The following TRPC3 variants were observed in gnomAD, a reference collection of about 807,000 sequenced individuals.
TRPC3 encodes transient receptor potential cation channel subfamily C member 3, also known as short transient receptor potential channel 3.
In TRPC3, 54 loss-of-function variants were observed where a neutral mutation model predicts 90.9. The ratio of observed to expected loss-of-function variants is 0.59; its 90% CI spans 0.48 to 0.75. The LOEUF (loss-of-function observed/expected upper bound fraction) is 0.75. TRPC3 is among the 30% of genes least tolerant of loss of function. TRPC3 has a pLI of 0.00. For missense variants in TRPC3, 918 were observed against 1,194.5 expected (o/e 0.77, Z 3.41); for synonymous variants, 424 against 450.9 (o/e 0.94, Z 0.75).
In TRPC3 at chr4:121,932,180, A is replaced by C; in HGVS notation, c.987+91T>G. On this transcript the variant is annotated intron_variant, in intron 2 of 11. Transcript: ENST00000379645. The surrounding 1 kb of genome is among the most constrained non-coding windows in gnomAD (Gnocchi z 7.7). ...ATTTCACATTCACTGGGCAAAACCG[A>C]ATGTGGAGCGAACGGTGGCAGAGCA... 1.9e-6 allele frequency: 3 copies of C among 1,542,720 alleles called. No homozygotes were observed. Among genetic ancestry groups the C allele is most frequent in the Non-Finnish European group, 2.6e-6 (3 of 1,143,590 alleles).
At chr4:121,904,571 G>T in intron 7 of TRPC3, 54 bp from the exon 8 acceptor site, 5 of 1,375,686 alleles carry the variant, frequency 3.6e-6, no homozygotes, top group Non-Finnish European at 4.8e-6. Context: ...CAATATCTAA[G>T]AGTGAAAAGT....
rs78871143 is a variant in TRPC3, at chr4:121,904,116, T to C, written c.2253+206A>G. Among the ~76,000 whole-genome samples the C allele has an allele frequency of 1.1e-3, 174 of 152,254 alleles. 1 individual carries two copies. The highest frequency in any genetic ancestry group is 4.0e-3 in the African/African-American group (165 of 41,552). On this transcript the variant is annotated intron_variant, in intron 8 of 11. Transcript: ENST00000379645. ...AGAAGGCGGAGCAGCAGTAAATTCA[T>C]GGGGACCCCTGCTGTGCACCTAGAA...
At chr4:121,922,675 C>T (rs1729564833) in intron 3 of TRPC3, among the ~76,000 whole-genome samples, 1 of 152,118 alleles carries the variant, frequency 6.6e-6, no homozygotes, top group Non-Finnish European at 1.5e-5. Context: ...GATAAAAAAC[C>T]AGTGACAATT....
At chr4:121,927,119 A>C (rs1304310599) in intron 2 of TRPC3, among the ~76,000 whole-genome samples, 1 of 152,204 alleles carries the variant, frequency 6.6e-6, no homozygotes, top group Non-Finnish European at 1.5e-5. Flanking sequence ...ACTGTATGTA[A>C]CTGAATTCTC....
At chr4:121,883,155 A>T (rs1728001158) in intron 10 of TRPC3, among the ~76,000 whole-genome samples, 1 of 152,110 alleles carries the variant, frequency 6.6e-6, no homozygotes, top group African/African-American at 2.4e-5. Flanking sequence ...TTTGCATCTT[A>T]AATGTGAAAG....
At position 121,938,902 on chromosome 4, in the gene TRPC3, T is replaced by C. The variant is rs190686766; in HGVS notation, c.216-5860A>G. Among the ~76,000 whole-genome samples, 575 of 151,934 alleles carry C rather than the reference T, an allele frequency of 3.8e-3. 7 individuals carry two copies. The highest frequency in any genetic ancestry group is 0.013 in the African/African-American group (552 of 41,474). Reference sequence around the variant, plus strand: ...AGTAACACCCCTACTGCTCTTTTCATCAGTCGAGACTCGTCTGTATGACTT... The same window carrying C: ...AGTAACACCCCTACTGCTCTTTTCACCAGTCGAGACTCGTCTGTATGACTT... On this transcript the variant is annotated intron_variant, in intron 1 of 11. Coordinates refer to ENST00000379645, the MANE Select transcript of TRPC3 (RefSeq NM_001130698.2).
chr4:121,951,238 C>T lies in TRPC3; in HGVS notation c.215+228G>A, dbSNP rs998061835. On this transcript the variant is annotated intron_variant, in intron 1 of 11. Transcript: ENST00000379645. The surrounding 1 kb of genome is among the most constrained non-coding windows in gnomAD (Gnocchi z 4.4). ...GTGTGCTTGAGCCTGGACAGAGCCC[C>T]TGCCACGCACTCGGCAGCCCCTGTG... is the stretch of plus-strand genomic sequence containing the variant. 6.6e-6 allele frequency among the ~76,000 whole-genome samples: 1 copy of T among 152,172 alleles called. No homozygotes were observed. The highest frequency in any genetic ancestry group is 2.4e-5 in the African/African-American group (1 of 41,462).
At chr4:121,885,437 A>G (rs899566236) in intron 10 of TRPC3, among the ~76,000 whole-genome samples, 1 of 152,164 alleles carries the variant, frequency 6.6e-6, no homozygotes, top group African/African-American at 2.4e-5. Flanking sequence ...GTGAGTTGCA[A>G]GAACAAATCA....
Position 121,951,684 on chromosome 4 carries a change from G to C in TRPC3, c.-4C>G. Reference sequence around the variant, plus strand: ...ACTTCCTGACCTTGGTGGACATCGCGCCGGCTGCGGTCCGAGTGTGGGGGT... The same window carrying C: ...ACTTCCTGACCTTGGTGGACATCGCCCCGGCTGCGGTCCGAGTGTGGGGGT... On this transcript the variant is annotated 5_prime_UTR_variant, in exon 1 of 12. Transcript: ENST00000379645. This position sits in a 1 kb window ranked among gnomAD's most constrained non-coding sequence, Gnocchi z 4.4. 7.6e-7 allele frequency: 1 copy of C among 1,318,078 alleles called. No homozygotes were observed. Among genetic ancestry groups the C allele is most frequent in the Non-Finnish European group, 9.8e-7 (1 of 1,024,146 alleles). 81.6% of individuals were successfully genotyped at this position (1,318,078 alleles called of 1,614,324 possible).
chr4:121,895,809 T>A (rs1325814407), intron 10 of TRPC3, among the ~76,000 whole-genome samples: 4 of 152,014 alleles, frequency 2.6e-5, no homozygotes, highest in Admixed American at 6.6e-5. Context: ...ATCGAAAAAA[T>A]TAAAGCAGAA....
intron 10 of TRPC3, among the ~76,000 whole-genome samples, chr4:121,882,778 C>T (rs1727987630): frequency 6.6e-6 from 1 of 151,890 alleles, no homozygotes; most frequent in Non-Finnish European, 1.5e-5. Flanking sequence ...ACCTTATTTC[C>T]CAGTATTTAG....
At chr4:121,929,673 T>G (rs1034361477) in intron 2 of TRPC3, among the ~76,000 whole-genome samples, 2 of 152,202 alleles carry the variant, frequency 1.3e-5, no homozygotes, top group African/African-American at 4.8e-5. Context: ...GACCTTCACA[T>G]GTTTTAAACA....
At chr4:121,930,841 A>C (rs1729882596) in intron 2 of TRPC3, 4 of 401,378 alleles carry the variant, frequency 1.0e-5, no homozygotes, top group Non-Finnish European at 1.9e-5. Context: ...AAAAAAAAAA[A>C]AAAAAAAAAA....
rs182964221 is a variant in TRPC3 at position 121,896,001 on chromosome 4, T to C, written c.2547+3611A>G. ...TTGATAGTGGGACTTATCCCAGGAA[T>C]GCAAGGATGTTTCAACATACAAAAA... On this transcript the variant is annotated intron_variant, in intron 10 of 11. Coordinates refer to ENST00000379645, the MANE Select transcript of TRPC3 (RefSeq NM_001130698.2). Among the ~76,000 whole-genome samples, 13 of 152,194 alleles carry C rather than the reference T, an allele frequency of 8.5e-5. No homozygotes were observed. The East Asian group carries it at 1.4e-3, about 16-fold the overall frequency.
chr4:121,944,408 T>TGGAGG (rs1730420087), intron 1 of TRPC3, among the ~76,000 whole-genome samples: 1 of 97,506 alleles, frequency 1.0e-5, no homozygotes, highest in Non-Finnish European at 2.0e-5. Context: ...TATTATAAAC[T>TGGAGG]GGGGGGTGGG....
chr4:121,882,620 A>G (rs903146576), intron 10 of TRPC3, among the ~76,000 whole-genome samples, 191 bp from the exon 11 acceptor site: 2 of 152,150 alleles, frequency 1.3e-5, no homozygotes, highest in Admixed American at 6.6e-5. Flanking sequence ...GACTTACTGC[A>G]TAATCCACCA....
intron 3 of TRPC3, among the ~76,000 whole-genome samples, chr4:121,919,300 T>C (rs955333325): frequency 6.6e-6 from 1 of 152,224 alleles, no homozygotes; most frequent in Non-Finnish European, 1.5e-5. Context: ...GGAATACTGT[T>C]GTGTAAAATC....
At chr4:121,944,582 A>G (rs1730426734) in intron 1 of TRPC3, among the ~76,000 whole-genome samples, 1 of 152,200 alleles carries the variant, frequency 6.6e-6, no homozygotes, top group Admixed American at 6.5e-5. Context: ...CAGTCCTCAG[A>G]AGATGGTCTA....
intron 1 of TRPC3, among the ~76,000 whole-genome samples, chr4:121,948,838 C>T (rs1021450306): frequency 9.5e-6 from 1 of 105,782 alleles, no homozygotes; most frequent in Middle Eastern, 4.7e-3. Flanking sequence ...TAACTCTTTG[C>T]GGTTTTTTTT....
Sources: gnomAD v4.1 joint callset for allele counts (sites outside exome capture counted in the v4.1 genomes callset) on GRCh38, gnomAD v4.1.1 for gene constraint, Gnocchi (gnomAD v3.1) non-coding constraint, MANE v1.5 for transcripts, NCBI Gene and HGNC (gene_info 2026-07-23, HGNC 2026-07-21) for gene names.